The following PSMA8 variants were observed in gnomAD, a reference collection of about 807,000 sequenced individuals.
PSMA8 encodes proteasome subunit alpha-type 8.
In PSMA8, 18 loss-of-function variants were observed where a neutral mutation model predicts 32.4. That is an observed-to-expected ratio of 0.56 (90% CI 0.38 to 0.82). PSMA8 has a LOEUF of 0.82. Among genes scored for constraint, PSMA8 ranks in the 40% least tolerant of loss-of-function variants. The pLI is 0.00. For synonymous variants in PSMA8, 104 were observed against 98.1 expected (o/e 1.06, Z -0.36); for missense variants, 298 against 300.7 (o/e 0.99, Z 0.07).
At chr18:26,142,611 T>C (rs1462092957) in intron 1 of PSMA8, among the ~76,000 whole-genome samples, 3 of 152,178 alleles carry the variant, frequency 2.0e-5, no homozygotes, top group African/African-American at 7.2e-5. Flanking sequence ...TTTGAGCTGC[T>C]AAAACAAAAG....
chr18:26,167,611 G>A (rs933834818), intron 4 of PSMA8, among the ~76,000 whole-genome samples: 5 of 152,088 alleles, frequency 3.3e-5, no homozygotes, highest in Admixed American at 1.3e-4. Context: ...CCATAGGATC[G>A]ATGTCCTTAT....
chr18:26,178,910 C>T lies in PSMA8; in HGVS notation c.558C>T (p.Asp186=). 6.2e-7 allele frequency: 1 copy of T among 1,613,600 alleles called. No individual in the cohort carries two copies. The highest frequency in any genetic ancestry group is 8.5e-7 in the Non-Finnish European group (1 of 1,179,620). Residue 186 remains aspartate (D), a synonymous_variant, in exon 5 of 7, where the codon GAC becomes GAT. Coordinates refer to ENST00000415576, the MANE Select transcript of PSMA8 (RefSeq NM_001025096.2). ...ACACAGAAGATGCCATAGCAAGTGA[C>T]AGTGAAGCTATCAAGTTAGCAATAA... is the stretch of plus-strand genomic sequence containing the variant. ...KNYTEDAIAS[D]SEAIKLAIKA...
rs138445965 is a variant in PSMA8 at position 26,150,177 on chromosome 18, A to G, written c.230-1681A>G. The stretch of plus-strand genomic sequence containing the variant: ...CAAATATTCCAAAACCTGGAAAAAC[A>G]TCTGAAACACTTCTGATCCCAAGCA... On this transcript the variant is annotated intron_variant, in intron 2 of 6. Coordinates refer to ENST00000415576, the MANE Select transcript of PSMA8 (RefSeq NM_001025096.2). 2.2e-4 allele frequency among the ~76,000 whole-genome samples: 34 copies of G among 152,350 alleles called. No individual in the cohort carries two copies. In the East Asian group the frequency reaches 6.4e-3, roughly 28 times the overall value.
chr18:26,150,743 T>A (rs2055039566), intron 2 of PSMA8, among the ~76,000 whole-genome samples: 1 of 152,236 alleles, frequency 6.6e-6, no homozygotes, highest in African/African-American at 2.4e-5. Flanking sequence ...TTTCCTCGAA[T>A]CAATTATATT....
At position 26,137,052 on chromosome 18, in the gene PSMA8, G is replaced by A. The variant is rs139409780; in HGVS notation, c.102+2985G>A. Among the ~76,000 whole-genome samples the A allele has an allele frequency of 6.8e-3, 1,034 of 152,296 alleles. 11 individuals are homozygous for A. Among genetic ancestry groups the A allele is most frequent in the African/African-American group, 0.024 (999 of 41,552 alleles). On this transcript the variant is annotated intron_variant, in intron 1 of 6. Coordinates refer to ENST00000415576, the MANE Select transcript of PSMA8 (RefSeq NM_001025096.2). ...GTAGCATGAAATTTGTTCAATAAAT[G>A]TTTGTATATTAATTAGCTTCCATTA... is the stretch of plus-strand genomic sequence containing the variant.
intron 3 of PSMA8, 71 bp downstream of exon 3, chr18:26,152,053 T>C (rs2055050638): frequency 1.3e-5 from 15 of 1,164,676 alleles, no homozygotes; most frequent in Non-Finnish European, 1.6e-5. Flanking sequence ...ATCATAGAAG[T>C]ACTACAGTTA....
At chr18:26,156,605 A>T (rs992668769) in intron 3 of PSMA8, among the ~76,000 whole-genome samples, 4 of 151,040 alleles carry the variant, frequency 2.6e-5, no homozygotes, top group Non-Finnish European at 4.4e-5. Flanking sequence ...GACACTAAAA[A>T]AGTTGTGTTT....
intron 2 of PSMA8, among the ~76,000 whole-genome samples, chr18:26,150,685 T>G (rs1307093934): frequency 6.6e-6 from 1 of 152,256 alleles, no homozygotes; most frequent in African/African-American, 2.4e-5. Context: ...AAAACAGACA[T>G]ACACATAACT....
chr18:26,187,989 T>C (rs1027112135), intron 6 of PSMA8, among the ~76,000 whole-genome samples: 3 of 152,122 alleles, frequency 2.0e-5, no homozygotes, highest in African/African-American at 7.2e-5. Flanking sequence ...TATGCATTAT[T>C]CTCCTCAGCA....
At chr18:26,160,404 A>G (rs928228481) in intron 4 of PSMA8, among the ~76,000 whole-genome samples, 3 of 152,212 alleles carry the variant, frequency 2.0e-5, no homozygotes, top group Non-Finnish European at 4.4e-5. Flanking sequence ...ACATCATGCT[A>G]CTTCCTTTAG....
At chr18:26,141,869 A>G (rs1281209860) in intron 1 of PSMA8, among the ~76,000 whole-genome samples, 1 of 150,940 alleles carries the variant, frequency 6.6e-6, no homozygotes, top group Non-Finnish European at 1.5e-5. Flanking sequence ...TATATTTTGT[A>G]GAGATATAAT....
intron 1 of PSMA8, among the ~76,000 whole-genome samples, chr18:26,142,275 G>A (rs755113253): frequency 4.6e-5 from 7 of 151,840 alleles, no homozygotes; most frequent in South Asian, 2.1e-4. Context: ...TCCTGACCTC[G>A]TGATCCACCC....
intron 3 of PSMA8, among the ~76,000 whole-genome samples, chr18:26,154,293 T>C (rs2055069260): frequency 1.3e-5 from 2 of 150,980 alleles, no homozygotes; most frequent in South Asian, 4.1e-4. Flanking sequence ...ATAACAAAAT[T>C]GCCCTATTTT....
chr18:26,142,469 G>A (rs2054966773), intron 1 of PSMA8, among the ~76,000 whole-genome samples: 1 of 152,082 alleles, frequency 6.6e-6, no homozygotes, highest in African/African-American at 2.4e-5. Flanking sequence ...AAAAAGAGGA[G>A]AGAAAAAGGA....
At chr18:26,176,133 G>A (rs1326325297) in intron 4 of PSMA8, among the ~76,000 whole-genome samples, 1 of 152,132 alleles carries the variant, frequency 6.6e-6, no homozygotes, top group African/African-American at 2.4e-5. Flanking sequence ...ATGGGGCAAG[G>A]GAGGGTGGGG....
intron 6 of PSMA8, among the ~76,000 whole-genome samples, chr18:26,184,819 G>A (rs2055339912): frequency 1.4e-5 from 2 of 147,938 alleles, no homozygotes; most frequent in Non-Finnish European, 3.0e-5. Context: ...GGGCACAGTG[G>A]CTCATGCATG....
intron 3 of PSMA8, among the ~76,000 whole-genome samples, chr18:26,156,449 T>C (rs767785998): frequency 3.3e-5 from 5 of 152,210 alleles, no homozygotes; most frequent in Middle Eastern, 3.4e-3. Flanking sequence ...AAATGTGGTA[T>C]AGATACACAA....
At chr18:26,161,161 C>T (rs1327779103) in intron 4 of PSMA8, among the ~76,000 whole-genome samples, 1 of 152,164 alleles carries the variant, frequency 6.6e-6, no homozygotes, top group Non-Finnish European at 1.5e-5. Flanking sequence ...CTGATAGAAA[C>T]ATCCTCCCCA....
At chr18:26,135,961 A>G (rs927306647) in intron 1 of PSMA8, among the ~76,000 whole-genome samples, 1 of 152,220 alleles carries the variant, frequency 6.6e-6, no homozygotes, top group African/African-American at 2.4e-5. Flanking sequence ...TACATAGGGT[A>G]AAGTTTTTTA....
Sources: gnomAD v4.1 joint callset for allele counts (sites outside exome capture counted in the v4.1 genomes callset) on GRCh38, gnomAD v4.1.1 for gene constraint, MANE v1.5 for transcripts, NCBI Gene and HGNC (gene_info 2026-07-23, HGNC 2026-07-21) for gene names.